The following ST7L variants were observed in gnomAD, a reference collection of about 807,000 sequenced individuals.
The protein encoded by ST7L is suppressor of tumorigenicity 7 protein-like.
ST7L carries 57 observed loss-of-function variants against 72.5 expected under a neutral mutation model. The observed-to-expected ratio is 0.79, with a 90% CI of 0.64 to 0.98. ST7L has a LOEUF of 0.98. ST7L is among the 50% of genes least tolerant of loss of function. The pLI, the probability that ST7L is intolerant of heterozygous loss-of-function variation, is 0.00. For missense variants in ST7L, 576 were observed against 672.2 expected (o/e 0.86, Z 1.58); for synonymous variants, 221 against 240.9 (o/e 0.92, Z 0.77).
Position 112,526,328 on chromosome 1 carries a change from T to A in ST7L, c.1630-217A>T, listed in dbSNP as rs1176182212. On this transcript the variant is annotated intron_variant, in intron 14 of 14. Transcript: ENST00000358039. ...TTTAAACAACTCTGGCTCCTAATTC[T>A]ACTCCTTTTTTCCCCTTCAGATTAA... 8.4e-6 allele frequency: 4 copies of A among 476,220 alleles called. No homozygotes were observed. In the Admixed American group the frequency reaches 1.4e-4, roughly 17 times the overall value. 29.5% of individuals were successfully genotyped at this position (476,220 alleles called of 1,614,324 possible).
chr1:112,589,244 T>C (rs1033660026), intron 6 of ST7L, among the ~76,000 whole-genome samples: 1 of 151,984 alleles, frequency 6.6e-6, no homozygotes, highest in South Asian at 2.1e-4. Flanking sequence ...GCAGTTTCTA[T>C]TAATTTCTTT....
At chr1:112,580,326 TA>T (rs1445287082) in intron 9 of ST7L, among the ~76,000 whole-genome samples, 1 of 152,284 alleles carries the variant, frequency 6.6e-6, no homozygotes, top group South Asian at 2.1e-4. Context: ...ATTTTTAAAA[TA>T]TTTTTTTTAG....
intron 3 of ST7L, among the ~76,000 whole-genome samples, chr1:112,602,275 T>C (rs147385642): frequency 6.6e-6 from 1 of 152,314 alleles, no homozygotes; most frequent in Non-Finnish European, 1.5e-5. Flanking sequence ...AACTGCAAAG[T>C]AACAATTCTT....
chr1:112,575,401 G>GT (rs1662946435), intron 11 of ST7L, among the ~76,000 whole-genome samples: 1 of 152,144 alleles, frequency 6.6e-6, no homozygotes, highest in African/African-American at 2.4e-5. Context: ...TTTAGGCACA[G>GT]TAAGAGACTA....
intron 14 of ST7L, chr1:112,526,387 T>C (rs1432173809): frequency 2.9e-6 from 1 of 340,666 alleles, no homozygotes; most frequent in Non-Finnish European, 5.5e-6. Flanking sequence ...TTTGAAATTA[T>C]GCTAAATGTA....
At chr1:112,588,721 T>C (rs952628762) in intron 6 of ST7L, among the ~76,000 whole-genome samples, 1 of 152,230 alleles carries the variant, frequency 6.6e-6, no homozygotes, top group African/African-American at 2.4e-5. Flanking sequence ...TGAACCATTC[T>C]TGCATCCATG....
chr1:112,555,848 T>A lies in ST7L; in HGVS notation c.1396+20A>T. The A allele has an allele frequency of 6.8e-7, 1 of 1,481,070 alleles. No individual in the cohort carries two copies. The highest frequency in any genetic ancestry group is 1.5e-5 in the South Asian group (1 of 66,958). The allele number at this position is 1,481,070 out of a possible 1,614,324, so 91.7% of individuals were successfully genotyped here. On this transcript the variant is annotated intron_variant, in intron 12 of 14. Transcript: ENST00000358039. The stretch of plus-strand genomic sequence containing the variant: ...GAATAGTTAGAGAGATTAGTGTTAC[T>A]TTTGGAAAAGAATACTTACTGCCTT...
At chr1:112,563,271 A>C (rs1431730975) in intron 11 of ST7L, among the ~76,000 whole-genome samples, 1 of 152,156 alleles carries the variant, frequency 6.6e-6, no homozygotes, top group Non-Finnish European at 1.5e-5. Flanking sequence ...GAGGATAATG[A>C]AGCCATAAAT....
At chr1:112,581,116 TC>T (rs1664041263) in intron 9 of ST7L, among the ~76,000 whole-genome samples, 1 of 152,162 alleles carries the variant, frequency 6.6e-6, no homozygotes. Context: ...TCCCACAACA[TC>T]ATAAGACTAT....
chr1:112,602,858 G>A (rs907284860), intron 3 of ST7L, among the ~76,000 whole-genome samples: 5 of 151,624 alleles, frequency 3.3e-5, no homozygotes, highest in African/African-American at 1.2e-4. Context: ...TGGGACTACA[G>A]GTGCACCCAC....
chr1:112,588,378 G>A (rs1319100730), intron 6 of ST7L, among the ~76,000 whole-genome samples: 1 of 152,188 alleles, frequency 6.6e-6, no homozygotes, highest in African/African-American at 2.4e-5. Context: ...TGATGGTGGA[G>A]GGAAACCTTT....
rs537315534 is a variant in ST7L at position 112,526,150 on chromosome 1, TAGG to T, written c.1630-42_1630-40del. The T allele has an allele frequency of 2.4e-4, 390 of 1,613,450 alleles. 6 individuals carry two copies. In the South Asian group the frequency reaches 4.1e-3, roughly 17 times the overall value. On this transcript the variant is annotated intron_variant, in intron 14 of 14. Coordinates refer to ENST00000358039, the MANE Select transcript of ST7L (RefSeq NM_017744.5). ...ATTGATACAAAATGTTCAAGCCCTGTAGGAGTCCCAGGACAGCCAAGAGAGTAT... is the reference window on the plus strand; with the variant it reads ...ATTGATACAAAATGTTCAAGCCCTGTAGTCCCAGGACAGCCAAGAGAGTAT...
Position 112,582,416 on chromosome 1 carries a change from T to G in ST7L, c.913A>C (p.Lys305Gln), listed in dbSNP as rs754073261. Residue 305 changes from lysine to glutamine, a missense_variant, in exon 8 of 15, where the codon AAA becomes CAA. Physicochemically the swap from Lys to Gln is moderately conservative, Grantham distance 53 (BLOSUM62 1). Transcript: ENST00000358039. ...ACTGCTTCTCTTATTCTTCCTAATTTTCTTGCACACATTGCCAATCTTCTT... is the reference window on the plus strand; with the variant it reads ...ACTGCTTCTCTTATTCTTCCTAATTGTCTTGCACACATTGCCAATCTTCTT... ...IKRRLAMCAR[K>Q]LGRIREAVKI... 4 of 1,609,006 alleles carry G rather than the reference T, an allele frequency of 2.5e-6. No individual in the cohort carries two copies. In the Admixed American group the frequency reaches 6.7e-5, roughly 27 times the overall value.
At chr1:112,590,439 CCTGCCAGTTT>C (rs1665522092) in intron 6 of ST7L, among the ~76,000 whole-genome samples, 1 of 152,100 alleles carries the variant, frequency 6.6e-6, no homozygotes, top group African/African-American at 2.4e-5. Context: ...TAAAGTTGAT[CCTGCCAGTTT>C]CTGCCAGTTT....
intron 12 of ST7L, 39 bp from the exon 13 acceptor site, chr1:112,550,732 C>A: frequency 6.6e-7 from 1 of 1,507,054 alleles, no homozygotes; most frequent in South Asian, 1.2e-5. Flanking sequence ...TCAATTCTGT[C>A]TCATTTACCA....
intron 1 of ST7L, 148 bp downstream of exon 1, chr1:112,618,761 A>C: frequency 2.1e-6 from 3 of 1,427,766 alleles, no homozygotes; most frequent in Non-Finnish European, 2.8e-6. Flanking sequence ...GCAAGGTTGC[A>C]GCCCAAAAGA....
chr1:112,550,770 G>A (rs1657982738), intron 12 of ST7L, 77 bp from the exon 13 acceptor site: 2 of 1,164,470 alleles, frequency 1.7e-6, no homozygotes, highest in African/African-American at 1.6e-5. Context: ...AATTTATATA[G>A]AAATTTCACA....
chr1:112,548,223 T>C (rs573535788), intron 13 of ST7L, among the ~76,000 whole-genome samples: 2 of 152,078 alleles, frequency 1.3e-5, no homozygotes, highest in East Asian at 3.9e-4. Context: ...CTGGGCGTGA[T>C]GGTGGGTGCC....
At chr1:112,528,019 C>CG (rs944898305) in intron 14 of ST7L, 2 of 151,968 alleles carry the variant, frequency 1.3e-5, no homozygotes, top group African/African-American at 4.8e-5. Context: ...TACTGGGTGA[C>CG]AATATACAGA....
Sources: allele counts gnomAD v4.1 joint callset (sites outside exome capture counted in the v4.1 genomes callset), GRCh38; gene constraint gnomAD v4.1.1; transcripts MANE v1.5; gene names NCBI Gene and HGNC (gene_info 2026-07-23, HGNC 2026-07-21).